Variants in VWC2L observed in about 807,000 individuals in gnomAD.
The protein encoded by VWC2L is von Willebrand factor C domain-containing protein 2-like.
In VWC2L, 10 loss-of-function variants were observed where a neutral mutation model predicts 21.6. The ratio of observed to expected loss-of-function variants is 0.46; its 90% CI spans 0.29 to 0.78. The LOEUF (loss-of-function observed/expected upper bound fraction) is 0.78, where lower values mean the gene tolerates loss of function less well. Among genes scored for constraint, VWC2L ranks in the 30% least tolerant of loss-of-function variants. The probability of loss-of-function intolerance (pLI) is 0.10; values close to 1 mark genes in which losing one functional copy is unlikely to be tolerated. For synonymous variants in VWC2L, 96 were observed against 94.3 expected (o/e 1.02, Z -0.10); for missense variants, 209 against 277.1 (o/e 0.75, Z 1.74).
intron 2 of VWC2L, among the ~76,000 whole-genome samples, chr2:214,423,990 T>C (rs1310241903): frequency 2.6e-5 from 4 of 152,012 alleles, no homozygotes; most frequent in Admixed American, 6.6e-5. Flanking sequence ...TGCAAAAATC[T>C]CTAATTCTGT....
intron 2 of VWC2L, among the ~76,000 whole-genome samples, chr2:214,430,459 G>T (rs1300785449): frequency 6.6e-6 from 1 of 152,076 alleles, no homozygotes; most frequent in East Asian, 1.9e-4. Flanking sequence ...TATTGGAGTA[G>T]GAGAGATATA....
intron 3 of VWC2L, among the ~76,000 whole-genome samples, chr2:214,538,599 G>GTATAC (rs55894083): frequency 6.7e-6 from 1 of 149,780 alleles, no homozygotes; most frequent in Non-Finnish European, 1.5e-5. Flanking sequence ...TATAATTTTT[G>GTATAC]TATATTAATT....
chr2:214,456,322 C>T (rs1574574452), intron 3 of VWC2L, among the ~76,000 whole-genome samples: 1 of 152,192 alleles, frequency 6.6e-6, no homozygotes, highest in South Asian at 2.1e-4. Flanking sequence ...TACCTGTTGG[C>T]TATTGGCATG....
intron 3 of VWC2L, among the ~76,000 whole-genome samples, chr2:214,528,592 C>CT (rs145324101): frequency 0.06 from 8,991 of 148,728 alleles, 837 homozygotes; most frequent in African/African-American, 0.2. Flanking sequence ...ATTTACATCT[C>CT]TTTTTTTTTT....
chr2:214,474,879 C>T (rs535801945), intron 3 of VWC2L, among the ~76,000 whole-genome samples: 66 of 152,150 alleles, frequency 4.3e-4, no homozygotes, highest in Admixed American at 1.7e-3. Flanking sequence ...CTAGGCCTTG[C>T]TTCTCCCAGC....
intron 2 of VWC2L, among the ~76,000 whole-genome samples, chr2:214,418,835 G>T (rs1290194270): frequency 6.6e-6 from 1 of 152,170 alleles, no homozygotes; most frequent in Non-Finnish European, 1.5e-5. Flanking sequence ...GGCACACATT[G>T]TTCTCTTATG....
chr2:214,520,959 C>T (rs997805100), intron 3 of VWC2L, among the ~76,000 whole-genome samples: 6 of 152,086 alleles, frequency 3.9e-5, no homozygotes, highest in African/African-American at 1.4e-4. Context: ...TGCAGTGGCT[C>T]ACACCTGTAA....
At chr2:214,467,511 ATC>A (rs1353225872) in intron 3 of VWC2L, among the ~76,000 whole-genome samples, 1 of 152,192 alleles carries the variant, frequency 6.6e-6, no homozygotes, top group Non-Finnish European at 1.5e-5. Context: ...TTAGTTACCC[ATC>A]TCTCAGGAGT....
chr2:214,503,951 G>T (rs1174654593), intron 3 of VWC2L, among the ~76,000 whole-genome samples: 1 of 149,410 alleles, frequency 6.7e-6, no homozygotes, highest in Non-Finnish European at 1.5e-5. Flanking sequence ...AGATTATTCT[G>T]CAGGGAAGGA....
At chr2:214,522,374 CAAAAAAA>C (rs5838440) in intron 3 of VWC2L, among the ~76,000 whole-genome samples, 38 of 102,948 alleles carry the variant, frequency 3.7e-4, no homozygotes, top group African/African-American at 1.4e-3. Context: ...GACCCCGTCT[CAAAAAAA>C]AAAAAAAAAA....
chr2:214,454,968 T>C (rs1230165415), intron 3 of VWC2L, among the ~76,000 whole-genome samples: 1 of 152,166 alleles, frequency 6.6e-6, no homozygotes, highest in African/African-American at 2.4e-5. Flanking sequence ...TTATATAAGA[T>C]CGATTTTAAT....
intron 3 of VWC2L, among the ~76,000 whole-genome samples, chr2:214,472,868 T>G (rs1703330249): frequency 6.6e-6 from 1 of 152,226 alleles, no homozygotes; most frequent in Non-Finnish European, 1.5e-5. Flanking sequence ...CATTTCAGTG[T>G]GAAAATATAT....
intron 3 of VWC2L, among the ~76,000 whole-genome samples, chr2:214,512,542 T>C (rs540068431): frequency 2.0e-5 from 3 of 152,134 alleles, no homozygotes; most frequent in African/African-American, 7.2e-5. Context: ...GCACACCCTG[T>C]ACATATACCC....
chr2:214,418,629 G>C (rs1559284663), intron 2 of VWC2L, among the ~76,000 whole-genome samples: 2 of 152,026 alleles, frequency 1.3e-5, no homozygotes, highest in African/African-American at 2.4e-5. Flanking sequence ...TCCCAACACC[G>C]TGTGAGCTAT....
chr2:214,482,035 C>T (rs931705574), intron 3 of VWC2L, among the ~76,000 whole-genome samples: 20 of 152,138 alleles, frequency 1.3e-4, no homozygotes, highest in African/African-American at 4.6e-4. Context: ...ACATATTCCA[C>T]TAAGGCAGAC....
At chr2:214,496,427 TGC>T (rs1470872972) in intron 3 of VWC2L, among the ~76,000 whole-genome samples, 1 of 152,140 alleles carries the variant, frequency 6.6e-6, no homozygotes, top group Non-Finnish European at 1.5e-5. Flanking sequence ...ATCTGTGTGC[TGC>T]AGTCTGTTAT....
At chr2:214,475,388 G>A (rs1688499756) in intron 3 of VWC2L, among the ~76,000 whole-genome samples, 1 of 145,700 alleles carries the variant, frequency 6.9e-6, no homozygotes, top group African/African-American at 2.5e-5. Flanking sequence ...AAAGGGATAT[G>A]TAAAAAAAAA....
At chr2:214,573,135 G>T (rs192468809) in intron 3 of VWC2L, among the ~76,000 whole-genome samples, 1 of 152,080 alleles carries the variant, frequency 6.6e-6, no homozygotes, top group South Asian at 2.1e-4. Flanking sequence ...ATAGAAATTT[G>T]TAAGAATTCT....
At chr2:214,413,376 A>G (rs1274353718) in intron 1 of VWC2L, among the ~76,000 whole-genome samples, 1 of 152,112 alleles carries the variant, frequency 6.6e-6, no homozygotes, top group Non-Finnish European at 1.5e-5. Context: ...AATGTGGACA[A>G]TAATACAAAT....
Sources: allele counts gnomAD v4.1 joint callset (sites outside exome capture counted in the v4.1 genomes callset), GRCh38; gene constraint gnomAD v4.1.1; transcripts MANE v1.5; gene names NCBI Gene and HGNC (gene_info 2026-07-23, HGNC 2026-07-21).